The following CFAP95 variants were observed in gnomAD, a reference collection of about 807,000 sequenced individuals.
The protein encoded by CFAP95 is cilia and flagella associated protein 95.
chr9:69,863,506 A>C, the CFAP95 span, among the ~76,000 whole-genome samples: 1 of 152,114 alleles, frequency 6.6e-6, no homozygotes, highest in African/African-American at 2.4e-5. Flanking sequence ...ATTTGAAAGT[A>C]CTCTTTATGA....
the CFAP95 span, among the ~76,000 whole-genome samples, chr9:69,890,087 A>G: frequency 6.6e-6 from 1 of 152,190 alleles, no homozygotes; most frequent in Non-Finnish European, 1.5e-5. Flanking sequence ...AAAGAAACAT[A>G]TCATTTTAAA....
At chr9:69,824,238 G>A in the CFAP95 span, among the ~76,000 whole-genome samples, 4 of 152,214 alleles carry the variant, frequency 2.6e-5, no homozygotes, top group East Asian at 1.9e-4. Flanking sequence ...ACAGGCAAGT[G>A]CAGTGGAATA....
the CFAP95 span, among the ~76,000 whole-genome samples, chr9:69,880,160 A>G: frequency 5.9e-5 from 9 of 152,288 alleles, no homozygotes; most frequent in East Asian, 1.7e-3. Context: ...ATACTCTTTT[A>G]GTTATTTTAA....
At chr9:69,829,131 A>G in the CFAP95 span, among the ~76,000 whole-genome samples, 2 of 152,322 alleles carry the variant, frequency 1.3e-5, no homozygotes, top group South Asian at 2.1e-4. Flanking sequence ...GGTGGATCCT[A>G]CGCCACGGTT....
the CFAP95 span, among the ~76,000 whole-genome samples, chr9:69,903,083 C>A: frequency 6.6e-6 from 1 of 152,104 alleles, no homozygotes; most frequent in East Asian, 1.9e-4. Flanking sequence ...AGTCAGACTT[C>A]AGGAAAGGAT....
chr9:69,890,350 G>A, the CFAP95 span, among the ~76,000 whole-genome samples: 1 of 152,062 alleles, frequency 6.6e-6, no homozygotes, highest in Admixed American at 6.5e-5. Flanking sequence ...CATGACAGTT[G>A]TTTGCCTTTA....
chr9:69,864,408 C>T, the CFAP95 span, among the ~76,000 whole-genome samples: 1 of 151,940 alleles, frequency 6.6e-6, no homozygotes, highest in Admixed American at 6.6e-5. Flanking sequence ...CTGGGTTCTA[C>T]TTCTAGGCCT....
At chr9:69,876,985 A>C in the CFAP95 span, among the ~76,000 whole-genome samples, 1 of 152,234 alleles carries the variant, frequency 6.6e-6, no homozygotes, top group Non-Finnish European at 1.5e-5. Context: ...GACTTTTCTG[A>C]AAACTTTGTT....
At chr9:69,843,581 TC>T in the CFAP95 span, among the ~76,000 whole-genome samples, 1 of 34,902 alleles carries the variant, frequency 2.9e-5, no homozygotes, top group Non-Finnish European at 4.7e-5. Context: ...TTCTTCTTCT[TC>T]TTCTTCTTCT....
chr9:69,852,247 C>T, the CFAP95 span, among the ~76,000 whole-genome samples: 2 of 151,894 alleles, frequency 1.3e-5, no homozygotes, highest in Admixed American at 6.6e-5. Context: ...AAGACTCTTC[C>T]TTAGTTATGA....
At chr9:69,886,752 A>ACAC in the CFAP95 span, 1 of 953,252 alleles carries the variant, frequency 1.0e-6, no homozygotes, top group Non-Finnish European at 1.6e-6. Flanking sequence ...AAATGTTTTT[A>ACAC]TTTCATGTAA....
At chr9:69,861,511 T>A in the CFAP95 span, among the ~76,000 whole-genome samples, 432 of 152,124 alleles carry the variant, frequency 2.8e-3, 3 homozygotes, top group African/African-American at 9.1e-3. Flanking sequence ...ATGAATAAAT[T>A]TCTAGCTTTC....
the CFAP95 span, chr9:69,844,496 G>T: frequency 4.7e-6 from 7 of 1,501,324 alleles, no homozygotes; most frequent in South Asian, 7.3e-5. Flanking sequence ...TCTCTTAACG[G>T]ACTCCTAATT....
At chr9:69,898,808 A>G in the CFAP95 span, among the ~76,000 whole-genome samples, 1 of 152,136 alleles carries the variant, frequency 6.6e-6, no homozygotes, top group Non-Finnish European at 1.5e-5. Context: ...TTCCAAATAA[A>G]CATTTTTTAC....
At chr9:69,864,855 T>C in the CFAP95 span, among the ~76,000 whole-genome samples, 1 of 152,230 alleles carries the variant, frequency 6.6e-6, no homozygotes, top group Non-Finnish European at 1.5e-5. Context: ...TTTCTACTTA[T>C]GCATTTGTGC....
chr9:69,852,603 C>T, the CFAP95 span, among the ~76,000 whole-genome samples: 4 of 152,172 alleles, frequency 2.6e-5, no homozygotes, highest in Admixed American at 2.0e-4. Flanking sequence ...GCACTGGGGT[C>T]TCACTCATGC....
chr9:69,844,424 T>C, the CFAP95 span: 11 of 702,940 alleles, frequency 1.6e-5, no homozygotes, highest in Admixed American at 3.3e-4. Flanking sequence ...ACTACAAATA[T>C]AGAAAATTTT....
At chr9:69,825,136 A>G in the CFAP95 span, among the ~76,000 whole-genome samples, 6,941 of 152,218 alleles carry the variant, frequency 0.046, 506 homozygotes, top group African/African-American at 0.16. Flanking sequence ...TTTTTATTAA[A>G]TTTTAATATC....
At chr9:69,886,924 T>C in the CFAP95 span, 1 of 1,564,178 alleles carries the variant, frequency 6.4e-7, no homozygotes, top group Non-Finnish European at 8.8e-7. Context: ...GTCTTCTACC[T>C]ATTTGTGTAC....
Sources: allele counts gnomAD v4.1 joint callset (sites outside exome capture counted in the v4.1 genomes callset), GRCh38; gene constraint gnomAD v4.1.1; transcripts MANE v1.5; gene names NCBI Gene and HGNC (gene_info 2026-07-23, HGNC 2026-07-21).